PCDHA12: variants seen among roughly 807,000 people sequenced by gnomAD.
PCDHA12 encodes protocadherin alpha 12.
In PCDHA12, 44 loss-of-function variants were observed where a neutral mutation model predicts 60.0. The ratio of observed to expected loss-of-function variants is 0.73; its 90% confidence interval spans 0.58 to 0.94. PCDHA12 has a LOEUF of 0.94. PCDHA12 is among the 40% of genes least tolerant of loss of function. The probability of loss-of-function intolerance (pLI) is 0.00; values close to 1 mark genes in which losing one functional copy is unlikely to be tolerated. For synonymous variants in PCDHA12, 569 were observed against 553.0 expected (o/e 1.03, Z -0.40); for missense variants, 1,276 against 1,239.7 (o/e 1.03, Z -0.44).
At chr5:140,932,538 T>C (rs538830618) in intron 1 of PCDHA12, among the ~76,000 whole-genome samples, 1 of 152,036 alleles carries the variant, frequency 6.6e-6, no homozygotes, top group South Asian at 2.1e-4. Context: ...CAAGGTGCTT[T>C]ATTTAACATA....
intron 1 of PCDHA12, chr5:140,882,711 C>T (rs1554175311): frequency 6.2e-7 from 1 of 1,614,160 alleles, no homozygotes; most frequent in Non-Finnish European, 8.5e-7. Context: ...TCTAGACCTC[C>T]GGAAACTCGA....
intron 1 of PCDHA12, chr5:140,881,320 A>G (rs186641452): frequency 3.0e-6 from 3 of 983,610 alleles, no homozygotes; most frequent in East Asian, 1.1e-4. Context: ...GTTAAATTCT[A>G]TTTAACCAGG....
At chr5:140,968,990 T>C in intron 1 of PCDHA12, 1 of 1,614,254 alleles carries the variant, frequency 6.2e-7, no homozygotes, top group Non-Finnish European at 8.5e-7. Flanking sequence ...CACTGCATGC[T>C]GTGGAGGCTT....
chr5:140,926,215 C>T (rs2083014396), intron 1 of PCDHA12, among the ~76,000 whole-genome samples: 1 of 152,170 alleles, frequency 6.6e-6, no homozygotes, highest in Non-Finnish European at 1.5e-5. Flanking sequence ...CTCCTGTTTC[C>T]TTAAGCCTAG....
At chr5:140,883,853 G>C in intron 1 of PCDHA12, 2 of 1,613,002 alleles carry the variant, frequency 1.2e-6, no homozygotes, top group Middle Eastern at 1.9e-4. Flanking sequence ...CGAGGAGCTG[G>C]AGCTGTTGCA....
At chr5:140,985,459 C>A (rs1587084925) in intron 3 of PCDHA12, among the ~76,000 whole-genome samples, 1 of 152,236 alleles carries the variant, frequency 6.6e-6, no homozygotes, top group East Asian at 1.9e-4. Flanking sequence ...GGGAAATGCT[C>A]CAAAAAATTT....
intron 1 of PCDHA12, chr5:140,966,328 CG>C: frequency 2.5e-6 from 1 of 392,484 alleles, no homozygotes; most frequent in Non-Finnish European, 4.5e-6. Flanking sequence ...CGCTGGGATC[CG>C]GCAGGTCCAG....
Position 140,877,193 on chromosome 5 carries a change from G to C in PCDHA12, c.1721G>C (p.Gly574Ala). 1 of 1,613,832 alleles carries C rather than the reference G, an allele frequency of 6.2e-7. No individual in the cohort carries two copies. The highest frequency in any genetic ancestry group is 8.5e-7 in the Non-Finnish European group (1 of 1,179,814). ...CTGGCGACTCCGGCTGGCAGCGCAG[G>C]AGGCGCAGTTAGCGAGTTGGTACCG... ...ALLATPAGSA[G>A]GAVSELVPRS... Residue 574 changes from glycine (G) to alanine (A), a missense_variant, in exon 1 of 4, where the codon GGA (glycine) becomes GCA (alanine). Gly to Ala is a moderately conservative substitution (Grantham distance 60). Transcript: ENST00000398631.
intron 3 of PCDHA12, among the ~76,000 whole-genome samples, chr5:140,994,698 C>G (rs1238723224): frequency 6.6e-6 from 1 of 151,898 alleles, no homozygotes; most frequent in Non-Finnish European, 1.5e-5. Context: ...GAATGAGACC[C>G]TGTCTCAAAA....
At chr5:140,883,675 G>T (rs782140381) in intron 1 of PCDHA12, 5 of 1,613,894 alleles carry the variant, frequency 3.1e-6, no homozygotes, top group Non-Finnish European at 4.2e-6. Context: ...AAAACAATCC[G>T]CCGGGCTGCC....
Position 140,916,718 on chromosome 5 carries a change from G to C in PCDHA12, c.2367+38879G>C, listed in dbSNP as rs115136945. Among the ~76,000 whole-genome samples, 1,217 of 152,304 alleles carry C rather than the reference G, an allele frequency of 8.0e-3. 6 individuals are homozygous for C. Among genetic ancestry groups the C allele is most frequent in the African/African-American group, 0.019 (785 of 41,570 alleles). On this transcript the variant is annotated intron_variant, in intron 1 of 3. Coordinates refer to ENST00000398631, the MANE Select transcript of PCDHA12 (RefSeq NM_018903.4). ...CTCTCCTTAAGCAGAAGGAAGGAGTGACTTTTGTTGCTGCAAGCTTCACTG... is the reference window on the plus strand; with the variant it reads ...CTCTCCTTAAGCAGAAGGAAGGAGTCACTTTTGTTGCTGCAAGCTTCACTG...
chr5:140,988,500 C>T (rs1340106461), intron 3 of PCDHA12, among the ~76,000 whole-genome samples: 1 of 152,116 alleles, frequency 6.6e-6, no homozygotes, highest in Non-Finnish European at 1.5e-5. Flanking sequence ...TAGGAGAAGC[C>T]ATGAAGCTTA....
rs551685820 is a variant in PCDHA12, at chr5:140,967,997, C to G, written c.2368-10952C>G. On this transcript the variant is annotated intron_variant, in intron 1 of 3. Transcript: ENST00000398631. ...GGGTCTGGAGGCCACACTGCCTTTC[C>G]GACTGAATGGCTTTGGAAACTCCTA... is the stretch of plus-strand genomic sequence containing the variant. The G allele has an allele frequency of 4.3e-6, 7 of 1,614,220 alleles. No individual in the cohort carries two copies. In the African/African-American group the frequency reaches 6.7e-5, roughly 15 times the overall value.
chr5:140,949,591 T>A (rs1279124605), intron 1 of PCDHA12, among the ~76,000 whole-genome samples: 2 of 151,928 alleles, frequency 1.3e-5, no homozygotes, highest in Non-Finnish European at 2.9e-5. Flanking sequence ...GTGATATTAA[T>A]GTGGCCATTC....
chr5:140,948,705 T>C (rs1585306851), intron 1 of PCDHA12, among the ~76,000 whole-genome samples: 1 of 151,580 alleles, frequency 6.6e-6, no homozygotes, highest in African/African-American at 2.4e-5. Context: ...ATTTGTGTTC[T>C]ATCCTCTTTT....
At chr5:141,000,011 C>T (rs548995159) in intron 3 of PCDHA12, among the ~76,000 whole-genome samples, 1 of 152,166 alleles carries the variant, frequency 6.6e-6, no homozygotes, top group East Asian at 1.9e-4. Flanking sequence ...TTGGCCTCCC[C>T]ATTGCTAAGC....
At chr5:140,960,853 T>C (rs1554225072) in intron 1 of PCDHA12, among the ~76,000 whole-genome samples, 2 of 152,214 alleles carry the variant, frequency 1.3e-5, no homozygotes, top group Non-Finnish European at 1.5e-5. Flanking sequence ...ATGGCAACTA[T>C]AAGCCAGAAA....
rs192969362 is a variant in PCDHA12 at position 140,893,205 on chromosome 5, T to C, written c.2367+15366T>C. On this transcript the variant is annotated intron_variant, in intron 1 of 3. Transcript: ENST00000398631. ...CTATTGTGAATAGTGCTGCAGTAAG[T>C]ATGGGAGGTGCAGGTATCACTTTGA... Among the ~76,000 whole-genome samples, 9 of 152,220 alleles carry C rather than the reference T, an allele frequency of 5.9e-5. No homozygotes were observed. The East Asian group carries it at 9.6e-4, about 16-fold the overall frequency.
chr5:140,902,866 C>T (rs1449193268), intron 1 of PCDHA12, among the ~76,000 whole-genome samples: 1 of 152,186 alleles, frequency 6.6e-6, no homozygotes, highest in Non-Finnish European at 1.5e-5. Context: ...TCCAGGTCCA[C>T]CCAAGCTGCT....
Sources: allele counts gnomAD v4.1 joint callset (sites outside exome capture counted in the v4.1 genomes callset), GRCh38; gene constraint gnomAD v4.1.1; transcripts MANE v1.5; gene names NCBI Gene and HGNC (gene_info 2026-07-23, HGNC 2026-07-21).